The following CSMD2 variants were observed in gnomAD, a reference collection of about 807,000 sequenced individuals.
CSMD2 encodes CUB and sushi domain-containing protein 2.
A neutral mutation model predicts 398.5 loss-of-function variants in CSMD2; 130 were observed. The ratio of observed to expected loss-of-function variants is 0.33; its 90% CI spans 0.28 to 0.38. CSMD2 has a LOEUF of 0.38. Ranked by LOEUF, CSMD2 falls within the 10% of genes least tolerant of loss-of-function variation. The probability of loss-of-function intolerance (pLI) is 1.00; values close to 1 mark genes in which losing one functional copy is unlikely to be tolerated. For synonymous variants in CSMD2, 1,828 were observed against 1,908.5 expected, an observed-to-expected ratio of 0.96 and a Z score of 1.10; for missense variants, 3,829 against 4,764.9, an observed-to-expected ratio of 0.80 and a Z score of 5.78.
intron 1 of CSMD2, among the ~76,000 whole-genome samples, chr1:34,120,706 G>T (rs376569847): frequency 6.6e-6 from 1 of 152,046 alleles, no homozygotes; most frequent in African/African-American, 2.4e-5. Context: ...CACCATGCCC[G>T]GCTAATTTTT....
chr1:33,632,529 T>A (rs948392180), intron 32 of CSMD2, among the ~76,000 whole-genome samples: 10 of 152,062 alleles, frequency 6.6e-5, no homozygotes, highest in African/African-American at 2.4e-4. Context: ...TAACTAGTAA[T>A]AAAACAAGGC....
At chr1:33,763,926 G>C (rs1216529398) in intron 13 of CSMD2, among the ~76,000 whole-genome samples, 2 of 152,130 alleles carry the variant, frequency 1.3e-5, no homozygotes, top group African/African-American at 2.4e-5. Flanking sequence ...CCCAGTCCAA[G>C]GACTGGGCTT....
chr1:33,716,123 T>C (rs1424540658), intron 20 of CSMD2, among the ~76,000 whole-genome samples, 163 bp downstream of exon 20: 1 of 152,230 alleles, frequency 6.6e-6, no homozygotes, highest in African/African-American at 2.4e-5. Context: ...AGTTCTTACT[T>C]GGGTCTAACC....
Position 34,110,285 on chromosome 1 carries a change from G to A in CSMD2, c.188-21092C>T, listed in dbSNP as rs570619897. Among the ~76,000 whole-genome samples the A allele has an allele frequency of 8.5e-5, 13 of 152,192 alleles. 1 individual carries two copies. The East Asian group carries it at 1.9e-3, about 23-fold the overall frequency. ...TTCAACCATTGTAGAAAGCAGTTTG[G>A]TGATTCCTCAAAAACCTAGAAACAG... is the stretch of plus-strand genomic sequence containing the variant. On this transcript the variant is annotated intron_variant, in intron 1 of 70. Transcript: ENST00000373381.
chr1:33,874,446 G>GT (rs1409806375), intron 5 of CSMD2, among the ~76,000 whole-genome samples: 2 of 152,192 alleles, frequency 1.3e-5, no homozygotes, highest in African/African-American at 2.4e-5. Context: ...TGAGAAGCAT[G>GT]TTTTTTCTTC....
intron 15 of CSMD2, among the ~76,000 whole-genome samples, chr1:33,738,687 C>T (rs1052247733): frequency 1.3e-5 from 2 of 152,126 alleles, no homozygotes; most frequent in Non-Finnish European, 2.9e-5. Flanking sequence ...TAACAGGGCA[C>T]AAAGGCCGAG....
intron 10 of CSMD2, among the ~76,000 whole-genome samples, chr1:33,808,674 T>C (rs1030181708): frequency 6.6e-6 from 1 of 151,688 alleles, no homozygotes; most frequent in Non-Finnish European, 1.5e-5. Context: ...AAAATTAAGA[T>C]GCTAGAAAAA....
rs751093040 is a variant in CSMD2, at chr1:33,646,695, C to T, written c.4727G>A (p.Arg1576His). The change falls in exon 29 of 71, where the codon CGC becomes CAC. Residue 1576 changes from arginine to histidine, a missense_variant. Arg to His is a conservative substitution (Grantham distance 29). This residue lies in a region of CSMD2 where 2,001 missense variants were observed against 2,567.1 expected (regional missense o/e 0.78). Transcript: ENST00000373381. The stretch of plus-strand genomic sequence containing the variant: ...AGCATTGCTCACAGATGCATCGCTG[C>T]GGAAGGCGAGGAAGAGGCTGTTGCT... ...SSSNSLFLAF[R>H]SDASVSNAGF... is the part of the protein sequence containing the mutation. 49 of 1,613,994 alleles carry T rather than the reference C, an allele frequency of 3.0e-5. No homozygotes were observed. The highest frequency in any genetic ancestry group is 2.0e-4 in the South Asian group (18 of 91,080).
chr1:33,568,094 C>T lies in CSMD2; in HGVS notation c.8132-253G>A, dbSNP rs529693264. The stretch of plus-strand genomic sequence containing the variant: ...ACCTCACTGTCCCCAGGATCATCCC[C>T]CACTTTTTCTTACCAACCAGATACA... On this transcript the variant is annotated intron_variant, in intron 52 of 70. Transcript: ENST00000373381. Among the ~76,000 whole-genome samples, 7 of 152,134 alleles carry T rather than the reference C, an allele frequency of 4.6e-5. No individual in the cohort carries two copies. The South Asian group carries it at 1.5e-3, about 32-fold the overall frequency.
chr1:33,997,354 G>C (rs561763232), intron 3 of CSMD2, among the ~76,000 whole-genome samples: 1 of 152,308 alleles, frequency 6.6e-6, no homozygotes, highest in Non-Finnish European at 1.5e-5. Context: ...GGTCCCTGCG[G>C]GTGCCTGCGT....
chr1:33,569,645 A>G (rs1659399318), intron 51 of CSMD2, 98 bp from the exon 52 acceptor site: 1 of 1,230,066 alleles, frequency 8.1e-7, no homozygotes, highest in Non-Finnish European at 1.1e-6. Context: ...GACCTGTTTA[A>G]CCTTACTCTG....
In CSMD2 at chr1:33,569,395, C is replaced by G; in HGVS notation, c.8110G>C (p.Gly2704Arg). The G allele has an allele frequency of 5.0e-6, 8 of 1,613,714 alleles. No homozygotes were observed. The highest frequency in any genetic ancestry group is 6.8e-6 in the Non-Finnish European group (8 of 1,179,882). Residue 2704 changes from glycine to arginine, a missense_variant, in exon 52 of 71, where the codon GGC becomes CGC. Coordinates refer to ENST00000373381, the MANE Select transcript of CSMD2 (RefSeq NM_001281956.2). ...RECMANGLWS[G>R]SEVRCLATQT... ...TTACCAAGGCAGCGGACTTCAGAGC[C>G]ACTCCAGAGCCCATTGGCCATGCAC...
rs55850602 is a variant in CSMD2, at chr1:33,550,359, G to A, written c.8744-9C>T. Reference sequence around the variant, plus strand: ...ATGGCCACAGGACACCACTGTGGGGGAAAAGCAAACATCTCAATGACTCTG... The same window carrying A: ...ATGGCCACAGGACACCACTGTGGGGAAAAAGCAAACATCTCAATGACTCTG... On this transcript the variant is annotated splice_polypyrimidine_tract_variant and intron_variant, in intron 55 of 70. Coordinates refer to ENST00000373381, the MANE Select transcript of CSMD2 (RefSeq NM_001281956.2). 6 of 1,611,254 alleles carry A rather than the reference G, an allele frequency of 3.7e-6. No homozygotes were observed. In the African/African-American group the frequency reaches 8.0e-5, roughly 22 times the overall value.
At chr1:33,798,342 G>A (rs1466607338) in intron 10 of CSMD2, among the ~76,000 whole-genome samples, 1 of 152,222 alleles carries the variant, frequency 6.6e-6, no homozygotes. Flanking sequence ...CATGTGCCAA[G>A]CCCAGAGCTA....
chr1:33,822,015 A>G (rs1658209661), intron 7 of CSMD2, among the ~76,000 whole-genome samples: 1 of 152,182 alleles, frequency 6.6e-6, no homozygotes, highest in Non-Finnish European at 1.5e-5. Context: ...GTGAGGTTTC[A>G]GAGATCAGAC....
At chr1:33,969,522 C>A (rs1420853094) in intron 3 of CSMD2, among the ~76,000 whole-genome samples, 5 of 152,184 alleles carry the variant, frequency 3.3e-5, no homozygotes, top group African/African-American at 1.2e-4. Context: ...ATGCACTATG[C>A]TAAGTGATTT....
In CSMD2 at chr1:33,739,909, A is replaced by C. The variant is rs142969214; in HGVS notation, c.2174-575T>G. Among the ~76,000 whole-genome samples, 115 of 152,280 alleles carry C rather than the reference A, an allele frequency of 7.6e-4. 1 individual carries two copies. Among genetic ancestry groups the C allele is most frequent in the African/African-American group, 2.6e-3 (107 of 41,548 alleles). On this transcript the variant is annotated intron_variant, in intron 14 of 70. Transcript: ENST00000373381. ...GGGCTGCCTCTCACTCTACCCAGGC[A>C]ATTGATAATGCAGAGTGGGGAGAGG...
At chr1:34,086,857 T>C (rs1233385710) in intron 2 of CSMD2, among the ~76,000 whole-genome samples, 1 of 152,112 alleles carries the variant, frequency 6.6e-6, no homozygotes, top group Non-Finnish European at 1.5e-5. Context: ...TATGAGGCCC[T>C]GCAGGATCTA....
At chr1:33,864,069 C>A in intron 5 of CSMD2, 2 of 891,940 alleles carry the variant, frequency 2.2e-6, no homozygotes, top group Non-Finnish European at 3.5e-6. Flanking sequence ...GCCCTGACTA[C>A]AGCTCTTGCA....
Sources: gnomAD v4.1 joint callset for allele counts (sites outside exome capture counted in the v4.1 genomes callset) on GRCh38, gnomAD v4.1.1 for gene constraint, gnomAD v4.1.1 regional missense constraint, MANE v1.5 for transcripts, NCBI Gene and HGNC (gene_info 2026-07-23, HGNC 2026-07-21) for gene names.